Variants in SCAPER observed in about 807,000 individuals in gnomAD.
SCAPER encodes S-phase cyclin A associated protein in the ER.
A neutral mutation model predicts 182.2 loss-of-function variants in SCAPER; 98 were observed. That is an observed-to-expected ratio of 0.54 (90% CI 0.46 to 0.64). The LOEUF is 0.64. Ranked by LOEUF, SCAPER falls within the 30% of genes least tolerant of loss-of-function variation. SCAPER has a pLI of 0.00. For missense variants in SCAPER, 1,432 were observed against 1,690.0 expected (o/e 0.85, Z 2.68); for synonymous variants, 605 against 564.6 (o/e 1.07, Z -1.01).
intron 23 of SCAPER, among the ~76,000 whole-genome samples, chr15:76,534,904 GC>G (rs1438137774): frequency 6.6e-6 from 1 of 151,780 alleles, no homozygotes; most frequent in African/African-American, 2.4e-5. Context: ...TTATTCCTGG[GC>G]TAAGAGCTTA....
rs1376343034 is a variant in SCAPER at position 76,593,251 on chromosome 15, T to C, written c.2712-18967A>G. On this transcript the variant is annotated intron_variant, in intron 22 of 31. Coordinates refer to ENST00000563290, the MANE Select transcript of SCAPER (RefSeq NM_020843.4). ...GCATCATAGCTCCGCAAAGCTGCTA[T>C]AGCCAGACTGCCTCTCTAGACTCCT... is the stretch of plus-strand genomic sequence containing the variant. Among the ~76,000 whole-genome samples, 5 of 121,126 alleles carry C rather than the reference T, an allele frequency of 4.1e-5. 1 individual carries two copies. The highest frequency in any genetic ancestry group is 1.9e-4 in the Admixed American group (2 of 10,636). 79.5% of individuals were successfully genotyped at this position (121,126 alleles called of 152,430 possible). A position where few individuals can be genotyped will look rare whatever the true frequency, so the allele number is the denominator to read the frequency against.
chr15:76,794,739 A>G (rs1297414080), intron 8 of SCAPER, among the ~76,000 whole-genome samples: 1 of 152,180 alleles, frequency 6.6e-6, no homozygotes, highest in African/African-American at 2.4e-5. Flanking sequence ...TTCTACATAA[A>G]AAGATGTTTA....
intron 17 of SCAPER, among the ~76,000 whole-genome samples, chr15:76,711,176 T>A (rs908520140): frequency 6.6e-6 from 1 of 152,168 alleles, no homozygotes; most frequent in African/African-American, 2.4e-5. Context: ...AACCATTGTA[T>A]ATAAAATGAA....
intron 22 of SCAPER, among the ~76,000 whole-genome samples, chr15:76,584,685 C>A (rs2048501547): frequency 6.6e-6 from 1 of 152,044 alleles, no homozygotes; most frequent in Admixed American, 6.6e-5. Flanking sequence ...TATGCTTTTG[C>A]GTTCTTACCG....
At chr15:76,461,379 A>G (rs1344489245) in intron 25 of SCAPER, among the ~76,000 whole-genome samples, 1 of 150,906 alleles carries the variant, frequency 6.6e-6, no homozygotes, top group African/African-American at 2.4e-5. Flanking sequence ...AATTATTTTG[A>G]GATTATGCAA....
In SCAPER at chr15:76,515,742, C is replaced by T. The variant is rs147502909; in HGVS notation, c.2839-10768G>A. 8.5e-5 allele frequency among the ~76,000 whole-genome samples: 13 copies of T among 152,208 alleles called. No homozygotes were observed. The East Asian group carries it at 1.7e-3, about 20-fold the overall frequency. ...GTTTACTTCATCACAAACTAGATTG[C>T]GAGGTCTCTAACAGCTGGAATTATG... is the stretch of plus-strand genomic sequence containing the variant. On this transcript the variant is annotated intron_variant, in intron 23 of 31. Transcript: ENST00000563290.
chr15:76,818,281 T>C (rs895354027), intron 5 of SCAPER, among the ~76,000 whole-genome samples: 6 of 152,096 alleles, frequency 3.9e-5, no homozygotes, highest in African/African-American at 1.2e-4. Context: ...ACTTATAATC[T>C]TCACAAAAAT....
At chr15:76,609,506 A>G (rs914115126) in intron 22 of SCAPER, among the ~76,000 whole-genome samples, 2 of 152,128 alleles carry the variant, frequency 1.3e-5, no homozygotes, top group Non-Finnish European at 2.9e-5. Flanking sequence ...CACTTAAAAA[A>G]AAAATTATCT....
Position 76,627,266 on chromosome 15 carries a change from CCT to C in SCAPER, c.2646-5439_2646-5438del, listed in dbSNP as rs2052670801. On this transcript the variant is annotated intron_variant, in intron 21 of 31. Transcript: ENST00000563290. ...TATTTTACAAATCTCAGAAATTAAA[CCT>C]CTATTTTTTTTATCTTTATAAAAAA... Among the ~76,000 whole-genome samples the C allele has an allele frequency of 2.0e-5, 3 of 151,994 alleles. No individual in the cohort carries two copies. The South Asian group carries it at 6.2e-4, about 32-fold the overall frequency.
chr15:76,405,871 G>A (rs569346300), intron 26 of SCAPER, among the ~76,000 whole-genome samples: 3 of 152,272 alleles, frequency 2.0e-5, no homozygotes, highest in East Asian at 3.9e-4. Context: ...ACCAACACAG[G>A]TTTTTGTAAA....
intron 5 of SCAPER, among the ~76,000 whole-genome samples, chr15:76,833,024 A>G (rs1184893068): frequency 2.6e-5 from 4 of 152,164 alleles, no homozygotes; most frequent in Non-Finnish European, 5.9e-5. Flanking sequence ...ATGCAAATTC[A>G]GGGAACTGCA....
At chr15:76,659,565 C>T (rs994394522) in intron 21 of SCAPER, among the ~76,000 whole-genome samples, 23 of 152,192 alleles carry the variant, frequency 1.5e-4, no homozygotes, top group Admixed American at 9.8e-4. Flanking sequence ...CCACCACACC[C>T]AACCGGAACA....
intron 25 of SCAPER, among the ~76,000 whole-genome samples, chr15:76,456,135 T>C (rs142033604): frequency 1.7e-4 from 26 of 152,332 alleles, no homozygotes; most frequent in African/African-American, 5.0e-4. Context: ...AACATATGTG[T>C]GCATGTGTCT....
chr15:76,674,864 G>A (rs11072614), intron 20 of SCAPER, among the ~76,000 whole-genome samples: 40,169 of 150,032 alleles, frequency 0.27, 5,553 homozygotes, highest in East Asian at 0.48. Flanking sequence ...ACATTGGCAC[G>A]CATAAAGTAA....
chr15:76,875,881 C>G (rs190454001), intron 2 of SCAPER, among the ~76,000 whole-genome samples: 4 of 152,232 alleles, frequency 2.6e-5, no homozygotes, highest in Admixed American at 6.5e-5. Context: ...CAGGGGGCGG[C>G]GCTGGTCGAG....
At chr15:76,526,606 C>G (rs1229764186) in intron 23 of SCAPER, among the ~76,000 whole-genome samples, 3 of 151,994 alleles carry the variant, frequency 2.0e-5, no homozygotes, top group Non-Finnish European at 2.9e-5. Flanking sequence ...TTTATCTGTT[C>G]TTCTGCTATT....
intron 30 of SCAPER, 100 bp downstream of exon 30, chr15:76,353,849 G>A (rs2040774653): frequency 4.1e-6 from 4 of 987,122 alleles, no homozygotes; most frequent in African/African-American, 1.7e-5. Context: ...ATTTTAAAAG[G>A]TAGTATGGAA....
In SCAPER at chr15:76,748,608, G is replaced by T. The variant is rs190572620; in HGVS notation, c.1866+5200C>A. 1.7e-3 allele frequency among the ~76,000 whole-genome samples: 256 copies of T among 150,614 alleles called. 1 individual carries two copies. The highest frequency in any genetic ancestry group is 5.9e-3 in the African/African-American group (243 of 40,906). On this transcript the variant is annotated intron_variant, in intron 15 of 31. Transcript: ENST00000563290. ...ATTTGCAAATCACAAGTTTCATAAG[G>T]ATCTAGTATCCAGAACATACAAGGA...
intron 7 of SCAPER, among the ~76,000 whole-genome samples, chr15:76,798,611 TC>T (rs1394366164): frequency 6.6e-6 from 1 of 151,906 alleles, no homozygotes; most frequent in African/African-American, 2.4e-5. Context: ...CTTAGATATA[TC>T]ATAGTCAGAG....
Sources: gnomAD v4.1 joint callset for allele counts (sites outside exome capture counted in the v4.1 genomes callset) on GRCh38, gnomAD v4.1.1 for gene constraint, MANE v1.5 for transcripts, NCBI Gene and HGNC (gene_info 2026-07-23, HGNC 2026-07-21) for gene names.